The following LYPD6B variants were observed in gnomAD, a reference collection of about 807,000 sequenced individuals.
The protein encoded by LYPD6B is ly6/PLAUR domain-containing protein 6B.
Under a neutral mutation model 22.8 loss-of-function variants are expected in LYPD6B, and 17 were observed. The observed-to-expected ratio is 0.75, with a 90% CI of 0.51 to 1.12. The LOEUF (loss-of-function observed/expected upper bound fraction) is 1.12, where lower values mean the gene tolerates loss of function less well. Ranked by LOEUF, LYPD6B falls within the 50% of genes most tolerant of loss-of-function variation. The pLI, the probability that LYPD6B is intolerant of heterozygous loss-of-function variation, is 0.00. For missense variants in LYPD6B, 221 were observed against 258.3 expected, an observed-to-expected ratio of 0.86 and a Z score of 0.99; for synonymous variants, 106 against 91.6, an observed-to-expected ratio of 1.16 and a Z score of -0.90.
chr2:149,141,178 T>G (rs1237854752), intron 2 of LYPD6B, among the ~76,000 whole-genome samples: 1 of 152,148 alleles, frequency 6.6e-6, no homozygotes, highest in East Asian at 1.9e-4. Flanking sequence ...GGCAGGCTTT[T>G]GTGACTAAGT....
In LYPD6B at chr2:149,051,678, A is replaced by C. The variant is rs564515600; in HGVS notation, c.-67+12877A>C. ...GGGCTATATATTATTATTATTATTT[A>C]TTTTTGAGATGGAGTCTCACTCTGT... On this transcript the variant is annotated intron_variant, in intron 1 of 6. Coordinates refer to ENST00000409642, the MANE Select transcript of LYPD6B (RefSeq NM_177964.5). Among the ~76,000 whole-genome samples, 166 of 149,996 alleles carry C rather than the reference A, an allele frequency of 1.1e-3. 1 individual carries two copies. The highest frequency in any genetic ancestry group is 3.4e-3 in the African/African-American group (140 of 40,860).
At chr2:149,192,693 A>G (rs1692572358) in intron 3 of LYPD6B, among the ~76,000 whole-genome samples, 1 of 152,112 alleles carries the variant, frequency 6.6e-6, no homozygotes, top group Non-Finnish European at 1.5e-5. Context: ...TTCGGATGGG[A>G]AAGTTCTTTG....
Position 149,208,382 on chromosome 2 carries a change from C to G in LYPD6B, c.298C>G (p.Arg100Gly). The change falls in exon 5 of 7, where the codon CGA (arginine) becomes GGA (glycine). Residue 100 changes from arginine (R) to glycine (G), a missense_variant. By Grantham distance (125) the Arg-to-Gly change is moderately radical. Coordinates refer to ENST00000409642, the MANE Select transcript of LYPD6B (RefSeq NM_177964.5). ...ENAGDNYNCNRWAEDKWCPQN... is the reference protein window; with the variant it reads ...ENAGDNYNCNGWAEDKWCPQN... ...CGCAGGGGATAATTATAACTGCAAT[C>G]GATGGGCAGAAGACAAATGGTGTCC... 1 of 1,613,522 alleles carries G rather than the reference C, an allele frequency of 6.2e-7. No homozygotes were observed. Among genetic ancestry groups the G allele is most frequent in the Non-Finnish European group, 8.5e-7 (1 of 1,179,562 alleles).
intron 3 of LYPD6B, among the ~76,000 whole-genome samples, chr2:149,179,366 G>A (rs574536637): frequency 6.6e-6 from 1 of 152,328 alleles, no homozygotes; most frequent in Admixed American, 6.5e-5. Context: ...CAGTGCCGAT[G>A]ACGATGATAA....
At chr2:149,086,906 T>C (rs1426771443) in intron 1 of LYPD6B, among the ~76,000 whole-genome samples, 1 of 152,174 alleles carries the variant, frequency 6.6e-6, no homozygotes, top group African/African-American at 2.4e-5. Flanking sequence ...TTTTGTTAAA[T>C]AAGGATATCC....
At chr2:149,122,993 A>G (rs1025358934) in intron 1 of LYPD6B, among the ~76,000 whole-genome samples, 1 of 152,194 alleles carries the variant, frequency 6.6e-6, no homozygotes, top group Non-Finnish European at 1.5e-5. Context: ...GTTCTTAAGA[A>G]AAAATCACGG....
chr2:149,208,596 A>G (rs1693654384), intron 5 of LYPD6B, among the ~76,000 whole-genome samples, 184 bp downstream of exon 5: 1 of 152,202 alleles, frequency 6.6e-6, no homozygotes, highest in African/African-American at 2.4e-5. Flanking sequence ...TTAAGGAAGA[A>G]TTTCTTAAAT....
Position 149,214,719 on chromosome 2 carries a change from T to C in LYPD6B, c.*9T>C, listed in dbSNP as rs1211341746. ...TGCTTCCATTGCTGTGATGCCACCA[T>C]TCCTAGGAGAGGCAGAGACCAGCCT... On this transcript the variant is annotated 3_prime_UTR_variant, in exon 7 of 7. Transcript: ENST00000409642. 1.2e-6 allele frequency: 2 copies of C among 1,613,790 alleles called. No homozygotes were observed. The highest frequency in any genetic ancestry group is 1.3e-5 in the African/African-American group (1 of 75,058).
rs762407192 is a variant in LYPD6B at position 149,160,776 on chromosome 2, G to C, written c.18G>C (p.Leu6=). MLLIT[L]SANLFTVPER... is the part of the protein sequence containing the mutation. ...TTATCTCTGGTAGGCTGATTACTCT[G>C]AGTGCAAACCTTTTCACTGTTCCAG... The change falls in exon 3 of 7, where the codon CTG becomes CTC. Residue 6 remains leucine, a synonymous_variant. Coordinates refer to ENST00000409642, the MANE Select transcript of LYPD6B (RefSeq NM_177964.5). 6.4e-7 allele frequency: 1 copy of C among 1,555,190 alleles called. No homozygotes were observed. The highest frequency in any genetic ancestry group is 1.2e-5 in the South Asian group (1 of 84,340).
chr2:149,200,751 G>A (rs548155802), intron 3 of LYPD6B: 3 of 152,234 alleles, frequency 2.0e-5, no homozygotes, highest in Admixed American at 1.3e-4. Context: ...TCTCAGGTGG[G>A]GTTTCCTAAA....
At chr2:149,121,560 G>A (rs1418487279) in intron 1 of LYPD6B, among the ~76,000 whole-genome samples, 1 of 152,194 alleles carries the variant, frequency 6.6e-6, no homozygotes, top group African/African-American at 2.4e-5. Context: ...CAGGGTTAAA[G>A]AGCAAACAAG....
At chr2:149,203,405 A>G (rs1289438132) in intron 3 of LYPD6B, among the ~76,000 whole-genome samples, 1 of 152,196 alleles carries the variant, frequency 6.6e-6, no homozygotes, top group Non-Finnish European at 1.5e-5. Flanking sequence ...CTCCACTGGT[A>G]TAAAGAAGGG....
chr2:149,094,551 A>G (rs1255395347), intron 1 of LYPD6B, among the ~76,000 whole-genome samples: 5 of 152,216 alleles, frequency 3.3e-5, no homozygotes, highest in Admixed American at 1.3e-4. Context: ...TGCCTGTTAG[A>G]GCAGTAGAGT....
rs536782356 is a variant in LYPD6B at position 149,045,360 on chromosome 2, A to G, written c.-67+6559A>G. Among the ~76,000 whole-genome samples, 27 of 152,128 alleles carry G rather than the reference A, an allele frequency of 1.8e-4. 1 individual carries two copies. In the South Asian group the frequency reaches 5.4e-3, roughly 30 times the overall value. On this transcript the variant is annotated intron_variant, in intron 1 of 6. Coordinates refer to ENST00000409642, the MANE Select transcript of LYPD6B (RefSeq NM_177964.5). ...TTTATCAATTTTACTGATCTCTTCA[A>G]AGATCCAGATTTTGGTTTAATTTTG... is the stretch of plus-strand genomic sequence containing the variant.
At chr2:149,105,727 T>C (rs1446648794) in intron 1 of LYPD6B, among the ~76,000 whole-genome samples, 1 of 152,110 alleles carries the variant, frequency 6.6e-6, no homozygotes, top group Non-Finnish European at 1.5e-5. Context: ...ATTTTCTACA[T>C]AGATTATTAT....
chr2:149,057,680 G>A (rs1683868067), intron 1 of LYPD6B, among the ~76,000 whole-genome samples: 1 of 151,956 alleles, frequency 6.6e-6, no homozygotes, highest in Admixed American at 6.6e-5. Context: ...GTGTAGGGGC[G>A]AACCCAGCAA....
chr2:149,079,886 T>C (rs571056630), intron 1 of LYPD6B, among the ~76,000 whole-genome samples: 23 of 152,266 alleles, frequency 1.5e-4, no homozygotes, highest in Admixed American at 8.5e-4. Flanking sequence ...CTCGCAACCT[T>C]TTGTAACAAA....
intron 3 of LYPD6B, among the ~76,000 whole-genome samples, chr2:149,189,468 A>G (rs567232956): frequency 6.6e-6 from 1 of 151,216 alleles, no homozygotes; most frequent in South Asian, 2.1e-4. Flanking sequence ...AATCTTAAAA[A>G]TGGATAATGA....
chr2:149,196,005 C>G (rs561569553), intron 3 of LYPD6B, among the ~76,000 whole-genome samples: 4 of 152,322 alleles, frequency 2.6e-5, no homozygotes, highest in African/African-American at 7.2e-5. Flanking sequence ...AGCATTTACA[C>G]TTGACTTTAC....
Sources: gnomAD v4.1 joint callset for allele counts (sites outside exome capture counted in the v4.1 genomes callset) on GRCh38, gnomAD v4.1.1 for gene constraint, MANE v1.5 for transcripts, NCBI Gene and HGNC (gene_info 2026-07-23, HGNC 2026-07-21) for gene names.